Variants in TMEM91 observed in about 807,000 individuals in gnomAD.
TMEM91 encodes the protein transmembrane protein 91.
A neutral mutation model predicts 13.3 loss-of-function variants in TMEM91; 6 were observed. That is an observed-to-expected ratio of 0.45 (90% confidence interval 0.25 to 0.89). The LOEUF is 0.89. TMEM91 is among the 40% of genes least tolerant of loss of function. The pLI is 0.19. For missense variants in TMEM91, 193 were observed against 228.7 expected, an observed-to-expected ratio of 0.84 and a Z score of 1.01; for synonymous variants, 87 against 101.7, an observed-to-expected ratio of 0.86 and a Z score of 0.87.
upstream of TMEM91, among the ~76,000 whole-genome samples, chr19:41,375,994 C>T (rs181892996): frequency 6.6e-6 from 1 of 152,066 alleles, no homozygotes; most frequent in East Asian, 1.9e-4. Context: ...GTGGCTTGCC[C>T]CTGTAATCCC....
chr19:41,383,123 G>A (rs2038932003), intron 3 of TMEM91: 6 of 660,524 alleles, frequency 9.1e-6, no homozygotes, highest in East Asian at 5.7e-5. Flanking sequence ...GTACAATCTC[G>A]GCTCACTGCA....
Position 41,378,526 on chromosome 19 carries a change from A to G in TMEM91, c.210+7A>G, listed in dbSNP as rs1371207084. On this transcript the variant is annotated splice_region_variant and intron_variant, in intron 2 of 3. Coordinates refer to ENST00000392002, the MANE Select transcript of TMEM91 (RefSeq NM_001098821.2). ...AAGGCCCCCTGATGTTGAGGTAGGAAACAGCAGGCCTTAGTGGAAGGCACG... is the reference window on the plus strand; with the variant it reads ...AAGGCCCCCTGATGTTGAGGTAGGAGACAGCAGGCCTTAGTGGAAGGCACG... The G allele has an allele frequency of 6.2e-7, 1 of 1,613,994 alleles. No homozygotes were observed. The highest frequency in any genetic ancestry group is 1.7e-5 in the Admixed American group (1 of 60,014).
upstream of TMEM91, among the ~76,000 whole-genome samples, chr19:41,373,063 C>T (rs917330250): frequency 1.3e-5 from 2 of 152,104 alleles, no homozygotes; most frequent in African/African-American, 2.4e-5. Flanking sequence ...CTCAGTTTCC[C>T]GAGTAGCTTG....
intron 1 of TMEM91, among the ~76,000 whole-genome samples, chr19:41,365,632 T>G (rs1475209516): frequency 6.6e-6 from 1 of 151,590 alleles, no homozygotes; most frequent in Non-Finnish European, 1.5e-5. Context: ...CTCAAACTCC[T>G]GACCTCAGGT....
chr19:41,369,525 C>T (rs963437322), intron 1 of TMEM91, among the ~76,000 whole-genome samples: 1 of 140,030 alleles, frequency 7.1e-6, no homozygotes, highest in Admixed American at 7.1e-5. Flanking sequence ...AAAAAAAAGG[C>T]CCGGTGCAGT....
upstream of TMEM91, chr19:41,364,008 G>C (rs1438096738): frequency 9.9e-6 from 2 of 202,768 alleles, no homozygotes; most frequent in African/African-American, 4.7e-5. Context: ...CGGGGTTGTA[G>C]TTCATGGGCT....
At chr19:41,368,495 T>C (rs964165678) in intron 1 of TMEM91, among the ~76,000 whole-genome samples, 1 of 151,804 alleles carries the variant, frequency 6.6e-6, no homozygotes, top group Non-Finnish European at 1.5e-5. Flanking sequence ...CAGCAACTTC[T>C]GCCTCCCAGG....
upstream of TMEM91, among the ~76,000 whole-genome samples, chr19:41,374,613 C>T (rs2038676316): frequency 6.6e-6 from 1 of 152,104 alleles, no homozygotes; most frequent in Non-Finnish European, 1.5e-5. Context: ...AGCATTATCC[C>T]CATTTTGTAG....
At chr19:41,371,998 A>G (rs2038632154), upstream of TMEM91, among the ~76,000 whole-genome samples, 1 of 151,526 alleles carries the variant, frequency 6.6e-6, no homozygotes, top group Non-Finnish European at 1.5e-5. Context: ...AGCTAGGACT[A>G]CAGGTGTGTG....
rs56755408 is a variant in TMEM91, at chr19:41,384,072, C to T, written c.*199C>T. The T allele has an allele frequency of 5.7e-4, 557 of 983,824 alleles. 1 individual carries two copies. The African/African-American group carries it at 7.5e-3, about 13-fold the overall frequency. The allele number at this position is 983,824 out of a possible 1,614,324, so 60.9% of individuals were successfully genotyped here. A position where few individuals can be genotyped will look rare whatever the true frequency, so the allele number is the denominator to read the frequency against. On this transcript the variant is annotated 3_prime_UTR_variant, in exon 4 of 4. Coordinates refer to ENST00000392002, the MANE Select transcript of TMEM91 (RefSeq NM_001098821.2). The stretch of plus-strand genomic sequence containing the variant: ...AACCTGAGATTAAACACCAGACACC[C>T]TTGCAGCCAAACCAGAGTCTGTTCG...
intron 1 of TMEM91, chr19:41,377,453 C>T (rs998825548): frequency 7.0e-6 from 1 of 142,204 alleles, no homozygotes; most frequent in Non-Finnish European, 1.5e-5. Context: ...GGCTGTGTGG[C>T]AGGGGACTTC....
At chr19:41,378,145 A>C in intron 1 of TMEM91, 136 bp from the exon 2 acceptor site, 1 of 630,182 alleles carries the variant, frequency 1.6e-6, no homozygotes, top group Non-Finnish European at 2.7e-6. Context: ...TCTGGGCCTC[A>C]GCTTCTGTAT....
upstream of TMEM91, chr19:41,374,130 G>C (rs2038667707): frequency 2.0e-5 from 3 of 152,284 alleles, no homozygotes; most frequent in South Asian, 6.2e-4. Context: ...CCAGAAACTG[G>C]CTGAGCCAAG....
At chr19:41,381,208 G>A (rs1055385391) in intron 2 of TMEM91, among the ~76,000 whole-genome samples, 3 of 151,130 alleles carry the variant, frequency 2.0e-5, no homozygotes, top group African/African-American at 7.3e-5. Context: ...ATTTATTAGT[G>A]ACAGGGTCTT....
intron 2 of TMEM91, among the ~76,000 whole-genome samples, chr19:41,381,279 C>A (rs964407426): frequency 6.6e-6 from 1 of 151,738 alleles, no homozygotes; most frequent in African/African-American, 2.4e-5. Flanking sequence ...GAGTCTCAAA[C>A]TGCTGGGCTC....
intron 1 of TMEM91, 26 bp from the exon 2 acceptor site, chr19:41,378,255 T>G: frequency 2.6e-6 from 4 of 1,553,462 alleles, no homozygotes; most frequent in Non-Finnish European, 3.5e-6. Context: ...TTTTACAACT[T>G]GTCTTTTTCT....
At chr19:41,374,997 A>G (rs891611262), upstream of TMEM91, among the ~76,000 whole-genome samples, 1 of 152,052 alleles carries the variant, frequency 6.6e-6, no homozygotes, top group African/African-American at 2.4e-5. Flanking sequence ...CAAACAAACA[A>G]AGAGCCTGGA....
Position 41,378,306 on chromosome 19 carries a change from A to G in TMEM91, c.-4A>G. ...GAAACCCCTCCTGGAGTTTCCCCAA[A>G]GCCATGGACAGCCCTAGTCTTCGTG... On this transcript the variant is annotated 5_prime_UTR_variant, in exon 2 of 4. Coordinates refer to ENST00000392002, the MANE Select transcript of TMEM91 (RefSeq NM_001098821.2). 1 of 1,610,810 alleles carries G rather than the reference A, an allele frequency of 6.2e-7. No homozygotes were observed. The highest frequency in any genetic ancestry group is 8.5e-7 in the Non-Finnish European group (1 of 1,177,500).
At chr19:41,364,826 C>T (rs373532661) in intron 1 of TMEM91, among the ~76,000 whole-genome samples, 7 of 151,866 alleles carry the variant, frequency 4.6e-5, no homozygotes, top group African/African-American at 1.2e-4. Context: ...AGATGTTGTC[C>T]CTGGATGCCA....
Sources: allele counts gnomAD v4.1 joint callset (sites outside exome capture counted in the v4.1 genomes callset), GRCh38; gene constraint gnomAD v4.1.1; transcripts MANE v1.5; gene names NCBI Gene and HGNC (gene_info 2026-07-23, HGNC 2026-07-21).